Variants in SLC2A13 observed in about 807,000 individuals in gnomAD.
The protein encoded by SLC2A13 is proton myo-inositol cotransporter.
In SLC2A13, 32 loss-of-function variants were observed where a neutral mutation model predicts 64.4. The observed-to-expected ratio is 0.50, with a 90% CI of 0.37 to 0.67. The LOEUF is 0.67. Ranked by LOEUF, SLC2A13 falls within the 30% of genes least tolerant of loss-of-function variation. The pLI is 0.00. For synonymous variants in SLC2A13, 338 were observed against 327.1 expected (o/e 1.03, Z -0.36); for missense variants, 743 against 829.2 (o/e 0.90, Z 1.28).
At chr12:39,851,270 T>C (rs1329818208) in intron 6 of SLC2A13, among the ~76,000 whole-genome samples, 3 of 152,152 alleles carry the variant, frequency 2.0e-5, no homozygotes, top group Non-Finnish European at 4.4e-5. Flanking sequence ...ATGGACAAAT[T>C]AGAAAAACGC....
intron 4 of SLC2A13, among the ~76,000 whole-genome samples, chr12:39,886,824 G>C (rs900916801): frequency 2.6e-5 from 4 of 152,146 alleles, no homozygotes; most frequent in African/African-American, 9.7e-5. Context: ...TGCAGAGTTG[G>C]AACTGAGGGC....
intron 1 of SLC2A13, among the ~76,000 whole-genome samples, chr12:40,055,982 A>C (rs946249373): frequency 2.9e-4 from 44 of 151,630 alleles, no homozygotes; most frequent in South Asian, 2.7e-3. Context: ...CAGGCCAAAA[A>C]AAACAAACAA....
At chr12:39,781,101 T>TA (rs1273184903) in intron 7 of SLC2A13, among the ~76,000 whole-genome samples, 1 of 152,242 alleles carries the variant, frequency 6.6e-6, no homozygotes. Flanking sequence ...GCCTTTTTTT[T>TA]ACTCACTTCC....
At chr12:39,861,524 T>C (rs967218033) in intron 6 of SLC2A13, among the ~76,000 whole-genome samples, 1 of 152,222 alleles carries the variant, frequency 6.6e-6, no homozygotes, top group Admixed American at 6.5e-5. Context: ...CGTCAAGTAT[T>C]TGAGGGAAGC....
chr12:39,891,759 C>A (rs981575045), intron 4 of SLC2A13, among the ~76,000 whole-genome samples: 1 of 152,134 alleles, frequency 6.6e-6, no homozygotes, highest in Non-Finnish European at 1.5e-5. Flanking sequence ...AGGGCTCAGT[C>A]CCCTAAATCA....
At chr12:39,779,886 C>T (rs1940917591) in intron 7 of SLC2A13, among the ~76,000 whole-genome samples, 1 of 152,234 alleles carries the variant, frequency 6.6e-6, no homozygotes, top group African/African-American at 2.4e-5. Flanking sequence ...TCGTGTTTAT[C>T]TGCAGGTGCC....
At chr12:39,837,509 G>C (rs528459246) in intron 6 of SLC2A13, among the ~76,000 whole-genome samples, 1 of 139,958 alleles carries the variant, frequency 7.1e-6, no homozygotes, top group East Asian at 2.1e-4. Context: ...TTAAACTAAA[G>C]AGCTTCTGCA....
chr12:39,882,414 T>C (rs1052476854), intron 4 of SLC2A13, among the ~76,000 whole-genome samples: 2 of 152,234 alleles, frequency 1.3e-5, no homozygotes, highest in Non-Finnish European at 2.9e-5. Flanking sequence ...GTTAATCCTT[T>C]GTTATACTTA....
chr12:40,058,065 ATAG>A (rs1482153739), intron 1 of SLC2A13, among the ~76,000 whole-genome samples: 1 of 150,532 alleles, frequency 6.6e-6, no homozygotes, highest in African/African-American at 2.4e-5. Flanking sequence ...AGATAGATAG[ATAG>A]ATAGATAGAT....
chr12:39,928,459 A>G (rs930756018), intron 4 of SLC2A13, among the ~76,000 whole-genome samples: 5 of 152,208 alleles, frequency 3.3e-5, no homozygotes, highest in Admixed American at 2.6e-4. Flanking sequence ...TAAAGAAAAT[A>G]GAGCTAAAAT....
intron 7 of SLC2A13, among the ~76,000 whole-genome samples, chr12:39,823,348 T>C (rs1030409466): frequency 6.6e-6 from 1 of 152,146 alleles, no homozygotes; most frequent in African/African-American, 2.4e-5. Context: ...AATACATCAA[T>C]CCTGTACATG....
At chr12:39,850,822 T>A (rs1284759122) in intron 6 of SLC2A13, among the ~76,000 whole-genome samples, 2 of 152,142 alleles carry the variant, frequency 1.3e-5, no homozygotes, top group African/African-American at 4.8e-5. Context: ...AAGATATCTA[T>A]CGCCATAATA....
Position 39,830,130 on chromosome 12 carries a change from G to A in SLC2A13, c.1418C>T (p.Ala473Val). Residue 473 changes from alanine (A) to valine (V), a missense_variant, in exon 7 of 10, where the codon GCA (alanine) becomes GTA (valine). Around this residue, in one of 2 missense-constraint regions of SLC2A13, gnomAD observed 295 missense variants for 381.7 expected, o/e 0.77. Transcript: ENST00000280871. ...IDSSCVPVNK[A>V]STNEAAWGRC... is the part of the protein sequence containing the mutation. Reference sequence around the variant, plus strand: ...GCCCCAGGCTGCCTCATTTGTAGATGCTTTATTAACTGGAACACAGGAGGA... The same window carrying A: ...GCCCCAGGCTGCCTCATTTGTAGATACTTTATTAACTGGAACACAGGAGGA... The A allele has an allele frequency of 3.7e-6, 6 of 1,613,692 alleles. No individual in the cohort carries two copies. Among genetic ancestry groups the A allele is most frequent in the Non-Finnish European group, 5.1e-6 (6 of 1,179,762 alleles).
chr12:40,105,431 G>A lies in SLC2A13; in HGVS notation c.378C>T (p.Ser126=). Reference sequence around the variant, plus strand: ...CCGAGACGGCAGCCGCCCCCACCGTGCTGGACACCAGCAGCTCCTGCCACA... The same window carrying A: ...CCGAGACGGCAGCCGCCCCCACCGTACTGGACACCAGCAGCTCCTGCCACA... The part of the protein sequence containing the change: ...DALWQELLVS[S]TVGAAAVSAL... Residue 126 remains serine, a synonymous_variant, in exon 1 of 10, where the codon AGC becomes AGT. Coordinates refer to ENST00000280871, the MANE Select transcript of SLC2A13 (RefSeq NM_052885.4). This position sits in a 1 kb window ranked among gnomAD's most constrained non-coding sequence, Gnocchi z 4.2. The A allele has an allele frequency of 1.3e-6, 2 of 1,554,126 alleles. No homozygotes were observed. The highest frequency in any genetic ancestry group is 1.2e-5 in the South Asian group (1 of 84,916).
intron 1 of SLC2A13, among the ~76,000 whole-genome samples, chr12:40,089,488 T>C (rs1017715176): frequency 6.6e-6 from 1 of 152,286 alleles, no homozygotes; most frequent in African/African-American, 2.4e-5. Context: ...CATTTCTCAA[T>C]TGTAATCAAT....
intron 7 of SLC2A13, among the ~76,000 whole-genome samples, chr12:39,804,265 G>A (rs1326129062): frequency 6.6e-6 from 1 of 152,094 alleles, no homozygotes; most frequent in Non-Finnish European, 1.5e-5. Flanking sequence ...CAAATTTGAA[G>A]GCAAAAGTAG....
chr12:40,077,742 C>T (rs1338297138), intron 1 of SLC2A13, among the ~76,000 whole-genome samples: 2 of 152,076 alleles, frequency 1.3e-5, no homozygotes, highest in African/African-American at 4.8e-5. Flanking sequence ...CTGAGTTGGA[C>T]ATATGGCCAT....
intron 7 of SLC2A13, among the ~76,000 whole-genome samples, chr12:39,810,702 A>T (rs572157698): frequency 6.6e-6 from 1 of 152,240 alleles, no homozygotes; most frequent in African/African-American, 2.4e-5. Context: ...GAATTTAATC[A>T]ATTTATTTTC....
At chr12:39,873,036 C>T (rs967583624) in intron 4 of SLC2A13, among the ~76,000 whole-genome samples, 9 of 152,150 alleles carry the variant, frequency 5.9e-5, no homozygotes, top group Non-Finnish European at 1.0e-4. Flanking sequence ...GTTTAAGTCT[C>T]ATTGATTCAT....
Sources: allele counts gnomAD v4.1 joint callset (sites outside exome capture counted in the v4.1 genomes callset), GRCh38; gene constraint gnomAD v4.1.1; regional missense constraint gnomAD v4.1.1; non-coding constraint Gnocchi (gnomAD v3.1); transcripts MANE v1.5; gene names NCBI Gene and HGNC (gene_info 2026-07-23, HGNC 2026-07-21).